Variants in PTPRM observed in about 807,000 individuals in gnomAD.
The protein encoded by PTPRM is protein tyrosine phosphatase receptor type M, also known as receptor-type tyrosine-protein phosphatase mu.
Under a neutral mutation model 186.7 loss-of-function variants are expected in PTPRM, and 47 were observed. The ratio of observed to expected loss-of-function variants is 0.25; its 90% confidence interval spans 0.20 to 0.32. The LOEUF (loss-of-function observed/expected upper bound fraction) is 0.32, where lower values mean the gene tolerates loss of function less well. PTPRM is among the 10% of genes least tolerant of loss of function. The pLI, the probability that PTPRM is intolerant of heterozygous loss-of-function variation, is 1.00. For missense variants in PTPRM, 1,494 were observed against 1,865.0 expected, an observed-to-expected ratio of 0.80 and a Z score of 3.66; for synonymous variants, 668 against 674.9, an observed-to-expected ratio of 0.99 and a Z score of 0.16.
intron 14 of PTPRM, among the ~76,000 whole-genome samples, chr18:8,224,718 C>T (rs2094193048): frequency 6.6e-6 from 1 of 152,176 alleles, no homozygotes. Context: ...TATGGTTCAT[C>T]CCTACCTTAC....
intron 8 of PTPRM, among the ~76,000 whole-genome samples, chr18:8,071,499 G>T (rs1055480094): frequency 6.6e-6 from 1 of 151,996 alleles, no homozygotes; most frequent in South Asian, 2.1e-4. Context: ...TTTTCATCTT[G>T]GCTGTCTCTC....
intron 14 of PTPRM, among the ~76,000 whole-genome samples, chr18:8,171,155 A>G (rs1485646576): frequency 1.3e-5 from 2 of 152,222 alleles, no homozygotes; most frequent in East Asian, 3.8e-4. Flanking sequence ...AATCTCATTC[A>G]TTCTGGACCT....
At chr18:8,014,085 A>G (rs1461880098) in intron 7 of PTPRM, among the ~76,000 whole-genome samples, 1 of 152,196 alleles carries the variant, frequency 6.6e-6, no homozygotes, top group Admixed American at 6.5e-5. Context: ...CAGAGGCAGT[A>G]TAAGAATAAT....
chr18:8,063,312 C>G (rs532511233), intron 7 of PTPRM, among the ~76,000 whole-genome samples: 2 of 150,758 alleles, frequency 1.3e-5, no homozygotes, highest in Non-Finnish European at 1.5e-5. Context: ...CGCCCTGCTT[C>G]GGCTTGCGCA....
In PTPRM at chr18:7,567,989, G is replaced by C; in HGVS notation, c.73+98G>C. On this transcript the variant is annotated intron_variant, in intron 1 of 32. Coordinates refer to ENST00000580170, the MANE Select transcript of PTPRM (RefSeq NM_001105244.2). The surrounding 1 kb of genome is among the most constrained non-coding windows in gnomAD (Gnocchi z 4.3). The stretch of plus-strand genomic sequence containing the variant: ...CTGGTGGTAGAGCCCTAAGGCTGGC[G>C]TCGGGGCCGGGCGGGGGGCGCGGCG... 1 of 1,198,086 alleles carries C rather than the reference G, an allele frequency of 8.3e-7. No homozygotes were observed. The highest frequency in any genetic ancestry group is 1.1e-6 in the Non-Finnish European group (1 of 923,528). The allele number at this position is 1,198,086 out of a possible 1,614,324, so 74.2% of individuals were successfully genotyped here. A position where few individuals can be genotyped will look rare whatever the true frequency, so the allele number is the denominator to read the frequency against.
At chr18:7,659,341 A>G (rs143919734) in intron 1 of PTPRM, among the ~76,000 whole-genome samples, 7 of 152,238 alleles carry the variant, frequency 4.6e-5, no homozygotes, top group Middle Eastern at 3.4e-3. Context: ...GGCACTTAGG[A>G]TATCCATAAC....
intron 32 of PTPRM, among the ~76,000 whole-genome samples, chr18:8,402,465 C>A (rs1194288924): frequency 3.9e-5 from 6 of 152,204 alleles, no homozygotes; most frequent in Non-Finnish European, 8.8e-5. Context: ...CTGAGGGCAG[C>A]AGCCACATCT....
At chr18:8,208,539 T>G (rs2093960156) in intron 14 of PTPRM, among the ~76,000 whole-genome samples, 1 of 149,582 alleles carries the variant, frequency 6.7e-6, no homozygotes. Flanking sequence ...TTAAACAGGG[T>G]CTCACTCTGT....
rs577227104 is a variant in PTPRM at position 8,084,955 on chromosome 18, A to G, written c.1552-716A>G. Among the ~76,000 whole-genome samples the G allele has an allele frequency of 1.6e-4, 25 of 152,276 alleles. No homozygotes were observed. The East Asian group carries it at 4.0e-3, about 25-fold the overall frequency. On this transcript the variant is annotated intron_variant, in intron 9 of 32. Transcript: ENST00000580170. ...GTATCATGAAAACTTCTAGAACTGC[A>G]CTGTCTCATATGGCAGCTACTAATC... is the stretch of plus-strand genomic sequence containing the variant.
intron 2 of PTPRM, among the ~76,000 whole-genome samples, chr18:7,811,960 A>G (rs1290726731): frequency 2.6e-5 from 4 of 152,208 alleles, no homozygotes; most frequent in African/African-American, 9.6e-5. Flanking sequence ...AAAGTTTTCC[A>G]GGATATGTTA....
chr18:7,603,571 C>T (rs16952201), intron 1 of PTPRM, among the ~76,000 whole-genome samples: 9,387 of 152,254 alleles, frequency 0.062, 536 homozygotes, highest in African/African-American at 0.15. Flanking sequence ...TGATGGACTT[C>T]CCATTTCTCT....
intron 30 of PTPRM, among the ~76,000 whole-genome samples, chr18:8,385,324 A>G (rs2095764993): frequency 6.6e-6 from 1 of 152,260 alleles, no homozygotes. Flanking sequence ...GAAATCAGAC[A>G]ATAAATAACA....
At chr18:7,634,210 T>A (rs140849297) in intron 1 of PTPRM, among the ~76,000 whole-genome samples, 1 of 152,334 alleles carries the variant, frequency 6.6e-6, no homozygotes, top group East Asian at 1.9e-4. Context: ...TCCGTGAGAA[T>A]GTTCATTCCA....
chr18:7,575,062 C>T (rs2036655663), intron 1 of PTPRM, among the ~76,000 whole-genome samples: 1 of 152,152 alleles, frequency 6.6e-6, no homozygotes, highest in Admixed American at 6.5e-5. Flanking sequence ...GAAGATTTTT[C>T]TTGGACATTT....
At position 7,958,974 on chromosome 18, in the gene PTPRM, C is replaced by CT. The variant is rs2053496104; in HGVS notation, c.1132+3561dup. 3.3e-5 allele frequency among the ~76,000 whole-genome samples: 5 copies of CT among 152,318 alleles called. No individual in the cohort carries two copies. In the South Asian group the frequency reaches 1.0e-3, roughly 32 times the overall value. On this transcript the variant is annotated intron_variant, in intron 7 of 32. Transcript: ENST00000580170. ...TTGAGAACACAGGCTCTGGGAGCAG[C>CT]TACCTGAGTTTTAGTGTTGGCTCTG...
intron 24 of PTPRM, among the ~76,000 whole-genome samples, chr18:8,375,234 G>A (rs534174350): frequency 1.3e-5 from 2 of 152,122 alleles, no homozygotes; most frequent in Non-Finnish European, 2.9e-5. Flanking sequence ...GCTCCCCTTC[G>A]ATTTACTGAC....
intron 1 of PTPRM, among the ~76,000 whole-genome samples, chr18:7,724,011 C>A (rs2144880775): frequency 6.6e-6 from 1 of 152,194 alleles, no homozygotes; most frequent in East Asian, 1.9e-4. Flanking sequence ...GCTCTGAATT[C>A]CTAATGATTT....
At chr18:7,628,198 T>C (rs547607047) in intron 1 of PTPRM, among the ~76,000 whole-genome samples, 2 of 152,252 alleles carry the variant, frequency 1.3e-5, no homozygotes, top group Admixed American at 1.3e-4. Context: ...ACAGGATATG[T>C]ATTCTGTGAA....
chr18:7,915,861 A>C (rs2050526580), intron 4 of PTPRM, among the ~76,000 whole-genome samples: 2 of 152,202 alleles, frequency 1.3e-5, no homozygotes, highest in African/African-American at 4.8e-5. Context: ...AGGGGAATCT[A>C]GGCATCTTAA....
Sources: allele counts gnomAD v4.1 joint callset (sites outside exome capture counted in the v4.1 genomes callset), GRCh38; gene constraint gnomAD v4.1.1; non-coding constraint Gnocchi (gnomAD v3.1); transcripts MANE v1.5; gene names NCBI Gene and HGNC (gene_info 2026-07-23, HGNC 2026-07-21).